Variants in TCAF2 observed in about 807,000 individuals in gnomAD.
TCAF2 encodes TRPM8 channel-associated factor 2.
Under a neutral mutation model 33.9 loss-of-function variants are expected in TCAF2, and 6 were observed. That is an observed-to-expected ratio of 0.18 (90% CI 0.10 to 0.35). The LOEUF (loss-of-function observed/expected upper bound fraction) is 0.35, where lower values mean the gene tolerates loss of function less well. Ranked by LOEUF, TCAF2 falls within the 10% of genes least tolerant of loss-of-function variation. The probability of loss-of-function intolerance (pLI) is 1.00; values close to 1 mark genes in which losing one functional copy is unlikely to be tolerated. For missense variants in TCAF2, 109 were observed against 604.0 expected (o/e 0.18, Z 8.59); for synonymous variants, 41 against 247.8 (o/e 0.17, Z 7.84).
At chr7:143,637,030 A>T (rs1225940537) in intron 1 of TCAF2, among the ~76,000 whole-genome samples, 1 of 1,136 alleles carries the variant, frequency 8.8e-4, no homozygotes. Flanking sequence ...AATCATCTCC[A>T]TCCTTTTTTT....
chr7:143,729,648 G>A lies in TCAF2; in HGVS notation c.*1981G>A, dbSNP rs1586694271. ...TGGGATACATGTGCAGAACGTGCAG[G>A]TTTGTTACATAGGTATACATGTGCC... On this transcript the variant is annotated 3_prime_UTR_variant, in exon 8 of 8. Transcript: ENST00000684770. 1 of 151,956 alleles carries A rather than the reference G, an allele frequency of 6.6e-6. No individual in the cohort carries two copies. Among genetic ancestry groups the A allele is most frequent in the East Asian group, 1.9e-4 (1 of 5,176 alleles). The allele number at this position is 151,956 out of a possible 1,614,324, so 9.4% of individuals were successfully genotyped here. A position where few individuals can be genotyped will look rare whatever the true frequency, so the allele number is the denominator to read the frequency against.
At chr7:143,642,863 TG>T in intron 1 of TCAF2, 1 of 510,130 alleles carries the variant, frequency 2.0e-6, no homozygotes, top group Non-Finnish European at 3.2e-6. Context: ...CTGTTGGTTG[TG>T]GCCCAGCTCA....
intron 3 of TCAF2, 178 bp downstream of exon 3, chr7:143,720,852 C>G (rs1283789697): frequency 1.2e-6 from 1 of 818,140 alleles, no homozygotes; most frequent in Non-Finnish European, 1.7e-6. Flanking sequence ...GCGATCTCAG[C>G]TCATGCAACC....
intron 1 of TCAF2, among the ~76,000 whole-genome samples, chr7:143,702,018 C>T (rs1269201973): frequency 1.4e-4 from 4 of 27,984 alleles, no homozygotes; most frequent in Non-Finnish European, 2.7e-4. Flanking sequence ...AGACAGGTTT[C>T]GCCATGTTGG....
chr7:143,724,750 AG>A, intron 7 of TCAF2, 53 bp downstream of exon 7: 1 of 1,338,922 alleles, frequency 7.5e-7, no homozygotes, highest in South Asian at 1.4e-5. Flanking sequence ...TCAGTCATGT[AG>A]CGACCTGGAT....
chr7:143,724,752 C>T (rs1299834682), intron 7 of TCAF2, 55 bp downstream of exon 7: 24 of 1,300,694 alleles, frequency 1.8e-5, no homozygotes, highest in South Asian at 2.8e-5. Context: ...AGTCATGTAG[C>T]GACCTGGATC....
At chr7:143,718,578 G>C (rs1309734449) in intron 2 of TCAF2, among the ~76,000 whole-genome samples, 2 of 149,260 alleles carry the variant, frequency 1.3e-5, no homozygotes, top group African/African-American at 4.9e-5. Flanking sequence ...ACCTCCTATT[G>C]CTTGACATTT....
chr7:143,720,058 C>T lies in TCAF2; in HGVS notation c.999C>T (p.Val333=). The part of the protein sequence containing the change: ...LEPHLNSDLC[V]YCCKAYSDKE... The stretch of plus-strand genomic sequence containing the variant: ...CCCATCTGAACAGCGACTTGTGTGT[C>T]TACTGCTGCAAGGCGTACAGTGACA... The change falls in exon 3 of 8, where the codon GTC becomes GTT. Residue 333 remains valine (V), a synonymous_variant. Transcript: ENST00000684770. 1.2e-6 allele frequency: 2 copies of T among 1,603,946 alleles called. No individual in the cohort carries two copies. Among genetic ancestry groups the T allele is most frequent in the Non-Finnish European group, 1.7e-6 (2 of 1,176,514 alleles).
In TCAF2 at chr7:143,730,054, G is replaced by A. The variant is rs556585524; in HGVS notation, c.*2387G>A. The stretch of plus-strand genomic sequence containing the variant: ...CCAAGTCTTTGCTATTGTAAATAAT[G>A]CTGCAATAAAAGTATGTGTGCATGT... On this transcript the variant is annotated 3_prime_UTR_variant, in exon 8 of 8. Transcript: ENST00000684770. The A allele has an allele frequency of 1.3e-5, 2 of 152,272 alleles. No homozygotes were observed. The highest frequency in any genetic ancestry group is 3.9e-4 in the East Asian group (2 of 5,170). 9.4% of individuals were successfully genotyped at this position (152,272 alleles called of 1,614,324 possible). A position where few individuals can be genotyped will look rare whatever the true frequency, so the allele number is the denominator to read the frequency against.
At chr7:143,701,771 A>C (rs1398313791) in intron 1 of TCAF2, among the ~76,000 whole-genome samples, 3 of 94,798 alleles carry the variant, frequency 3.2e-5, no homozygotes, top group South Asian at 6.2e-4. Flanking sequence ...ACTTTATTTT[A>C]TTTTATTTTA....
At chr7:143,724,844 G>A in intron 7 of TCAF2, 147 bp downstream of exon 7, 2 of 1,557,628 alleles carry the variant, frequency 1.3e-6, no homozygotes, top group Non-Finnish European at 1.7e-6. Context: ...GGGCCGCAGG[G>A]TGGTGCTTCT....
At chr7:143,623,978 A>G in intron 1 of TCAF2, 1 of 484,966 alleles carries the variant, frequency 2.1e-6, no homozygotes, top group South Asian at 3.6e-5. Flanking sequence ...CATGAGGGCT[A>G]CCTGTCGCAT....
At position 143,729,495 on chromosome 7, in the gene TCAF2, G is replaced by T. The variant is rs1809762838; in HGVS notation, c.*1828G>T. 6.6e-6 allele frequency: 1 copy of T among 152,092 alleles called. No homozygotes were observed. Among genetic ancestry groups the T allele is most frequent in the Non-Finnish European group, 1.5e-5 (1 of 68,034 alleles). 9.4% of individuals were successfully genotyped at this position (152,092 alleles called of 1,614,324 possible). On this transcript the variant is annotated 3_prime_UTR_variant, in exon 8 of 8. Transcript: ENST00000684770. ...AACTTCCAAAAAGGTGTTGGTATCTGATTTTCTGCCTGCCTCAGAATGTGA... is the reference window on the plus strand; with the variant it reads ...AACTTCCAAAAAGGTGTTGGTATCTTATTTTCTGCCTGCCTCAGAATGTGA...
At chr7:143,648,685 A>G (rs1809118081) in intron 1 of TCAF2, among the ~76,000 whole-genome samples, 1 of 69,970 alleles carries the variant, frequency 1.4e-5, no homozygotes, top group African/African-American at 3.7e-5. Context: ...AATGGTCAAA[A>G]TGTAATGAAT....
intron 1 of TCAF2, 45 bp downstream of exon 1, chr7:143,621,065 T>A (rs1478192055): frequency 1.3e-5 from 2 of 150,488 alleles, no homozygotes; most frequent in Admixed American, 8.6e-5. Context: ...GGGCGGTAGC[T>A]GAGCACCTAG....
rs1429398783 is a variant in TCAF2 at position 143,729,338 on chromosome 7, T to C, written c.*1671T>C. On this transcript the variant is annotated 3_prime_UTR_variant, in exon 8 of 8. Transcript: ENST00000684770. ...ATTGAAGCCCATAGCAATGAAAACA[T>C]TGTGGAACTTATTCTTCATGAATGG... The C allele has an allele frequency of 6.6e-6, 1 of 152,168 alleles. No individual in the cohort carries two copies. The highest frequency in any genetic ancestry group is 1.5e-5 in the Non-Finnish European group (1 of 68,026). 9.4% of individuals were successfully genotyped at this position (152,168 alleles called of 1,614,324 possible). A position where few individuals can be genotyped will look rare whatever the true frequency, so the allele number is the denominator to read the frequency against.
rs549325834 is a variant in TCAF2 at position 143,718,411 on chromosome 7, T to C, written c.624-1272T>C. 2.5e-3 allele frequency among the ~76,000 whole-genome samples: 386 copies of C among 151,398 alleles called. 1 individual carries two copies. The highest frequency in any genetic ancestry group is 0.021 in the East Asian group (108 of 5,148). The stretch of plus-strand genomic sequence containing the variant: ...GCTTCTATGTCTGGTTTCTTGGTTT[T>C]TTATTTTTTTTACCCCAAAATTTGG... On this transcript the variant is annotated intron_variant, in intron 2 of 7. Transcript: ENST00000684770.
Position 143,728,884 on chromosome 7 carries a change from A to G in TCAF2, c.*1217A>G, listed in dbSNP as rs777268790. 6.6e-6 allele frequency: 1 copy of G among 152,148 alleles called. No individual in the cohort carries two copies. Among genetic ancestry groups the G allele is most frequent in the South Asian group, 2.1e-4 (1 of 4,832 alleles). The allele number at this position is 152,148 out of a possible 1,614,324, so 9.4% of individuals were successfully genotyped here. Reference sequence around the variant, plus strand: ...ACTTTCTCCAGTTTACTTTTAGACCATATTGTTGTTTGTTTTGAATATCAT... The same window carrying G: ...ACTTTCTCCAGTTTACTTTTAGACCGTATTGTTGTTTGTTTTGAATATCAT... On this transcript the variant is annotated 3_prime_UTR_variant, in exon 8 of 8. Transcript: ENST00000684770.
In TCAF2 at chr7:143,724,517, T is replaced by C. The variant is rs1439516149; in HGVS notation, c.2325T>C (p.Thr775=). ...GATGGGAGTTCCCCCCACACACTACTGAGGCCACCTGTAACCTTTGGTCAG... is the reference window on the plus strand; with the variant it reads ...GATGGGAGTTCCCCCCACACACTACCGAGGCCACCTGTAACCTTTGGTCAG... The part of the protein sequence containing the change: ...RHGWEFPPHT[T]EATCNLWSVY... The change falls in exon 7 of 8, where the codon ACT becomes ACC. Residue 775 remains threonine, a synonymous_variant. Coordinates refer to ENST00000684770, the MANE Select transcript of TCAF2 (RefSeq NM_001363538.2). The C allele has an allele frequency of 6.2e-7, 1 of 1,610,816 alleles. No homozygotes were observed. Among genetic ancestry groups the C allele is most frequent in the East Asian group, 2.2e-5 (1 of 44,890 alleles).
Sources: gnomAD v4.1 joint callset for allele counts (sites outside exome capture counted in the v4.1 genomes callset) on GRCh38, gnomAD v4.1.1 for gene constraint, MANE v1.5 for transcripts, NCBI Gene and HGNC (gene_info 2026-07-23, HGNC 2026-07-21) for gene names.